Variants in SNRPN observed in about 807,000 individuals in gnomAD.
The protein encoded by SNRPN is small nuclear ribonucleoprotein polypeptide N, also known as small nuclear ribonucleoprotein-associated protein N.
Under a neutral mutation model 25.2 loss-of-function variants are expected in SNRPN, and 7 were observed. The observed-to-expected ratio is 0.28, with a 90% CI of 0.16 to 0.52. The LOEUF (loss-of-function observed/expected upper bound fraction) is 0.52, where lower values mean the gene tolerates loss of function less well. Among genes scored for constraint, SNRPN ranks in the 20% least tolerant of loss-of-function variants. The pLI is 0.96. For synonymous variants in SNRPN, 124 were observed against 110.6 expected (o/e 1.12, Z -0.76); for missense variants, 196 against 322.5 (o/e 0.61, Z 3.00).
intron 1 of SNRPN, among the ~76,000 whole-genome samples, chr15:24,957,519 T>C (rs1399653138): frequency 1.3e-5 from 2 of 152,258 alleles, no homozygotes; most frequent in Non-Finnish European, 2.9e-5. Flanking sequence ...CATTTTATTC[T>C]AAGGATTTTG....
At chr15:24,909,691 G>T in intron 2 of SNRPN, 1 of 1,240,988 alleles carries the variant, frequency 8.1e-7, no homozygotes, top group Non-Finnish European at 1.2e-6. Flanking sequence ...TGAGTGTGTT[G>T]TATTTATTTT....
intron 8 of SNRPN, 106 bp from the exon 9 acceptor site, chr15:24,978,087 C>T (rs1344460680): frequency 3.1e-6 from 4 of 1,277,636 alleles, no homozygotes; most frequent in Non-Finnish European, 2.2e-6. Flanking sequence ...AGTTATTTGA[C>T]TCTATCATTG....
chr15:24,840,871 G>T (rs181322866), intron 2 of SNRPN, among the ~76,000 whole-genome samples: 2 of 152,190 alleles, frequency 1.3e-5, no homozygotes, highest in Admixed American at 1.3e-4. Context: ...TTTCGAGACG[G>T]AGTCTTGCTC....
In SNRPN at chr15:24,957,848, G is replaced by T. The variant is rs537794120; in HGVS notation, c.-391+2786G>T. 3.5e-3 allele frequency among the ~76,000 whole-genome samples: 537 copies of T among 152,156 alleles called. 5 individuals carry two copies. The highest frequency in any genetic ancestry group is 2.2e-3 in the Non-Finnish European group (149 of 67,998). Reference sequence around the variant, plus strand: ...AGTATTTAGTCTGATCCGCCATTTTGTAGTCTTGCATTCAGGCCCGGGATC... The same window carrying T: ...AGTATTTAGTCTGATCCGCCATTTTTTAGTCTTGCATTCAGGCCCGGGATC... On this transcript the variant is annotated intron_variant, in intron 1 of 9. Transcript: ENST00000390687.
intron 2 of SNRPN, among the ~76,000 whole-genome samples, chr15:24,898,803 A>G (rs1194851522): frequency 6.6e-6 from 1 of 152,116 alleles, no homozygotes; most frequent in African/African-American, 2.4e-5. Context: ...CCACGGAGTC[A>G]AAGGAATGAG....
At chr15:24,881,310 G>A (rs1444416747) in intron 1 of SNRPN, among the ~76,000 whole-genome samples, 1 of 151,644 alleles carries the variant, frequency 6.6e-6, no homozygotes, top group East Asian at 1.9e-4. Context: ...ATCACCTGAG[G>A]TCAGGAGTTC....
chr15:24,888,501 C>A (rs984655159), intron 2 of SNRPN, among the ~76,000 whole-genome samples: 1 of 152,028 alleles, frequency 6.6e-6, no homozygotes, highest in African/African-American at 2.4e-5. Flanking sequence ...CAATTTTTTT[C>A]TTTTATTGTA....
At chr15:24,932,391 C>T (rs777125026) in intron 3 of SNRPN, among the ~76,000 whole-genome samples, 2 of 151,958 alleles carry the variant, frequency 1.3e-5, no homozygotes, top group East Asian at 1.9e-4. Flanking sequence ...CTCGCCACCA[C>T]GACTGGCCAA....
chr15:24,978,478 C>T lies in SNRPN; in HGVS notation c.*34C>T, dbSNP rs1236754114. 2.5e-6 allele frequency: 4 copies of T among 1,590,516 alleles called. No homozygotes were observed. The highest frequency in any genetic ancestry group is 1.7e-5 in the Admixed American group (1 of 59,930). ...TGATCCATCTCAGTCACTTTTTCCCCTGCAATGCGTCTTGTGAAATTGTGT... is the reference window on the plus strand; with the variant it reads ...TGATCCATCTCAGTCACTTTTTCCCTTGCAATGCGTCTTGTGAAATTGTGT... On this transcript the variant is annotated 3_prime_UTR_variant, in exon 10 of 10. Transcript: ENST00000390687.
chr15:24,893,034 C>A (rs2057799038), intron 2 of SNRPN, among the ~76,000 whole-genome samples: 1 of 151,712 alleles, frequency 6.6e-6, no homozygotes, highest in Non-Finnish European at 1.5e-5. Flanking sequence ...CATGGTGAAA[C>A]CCCGTCTCTA....
chr15:24,934,267 T>C (rs920943439), intron 3 of SNRPN, among the ~76,000 whole-genome samples: 1 of 151,970 alleles, frequency 6.6e-6, no homozygotes, highest in Admixed American at 6.6e-5. Context: ...CATTGCACTC[T>C]AGCCTGGGCA....
intron 3 of SNRPN, among the ~76,000 whole-genome samples, chr15:24,927,198 G>A (rs1454240375): frequency 6.6e-6 from 1 of 151,368 alleles, no homozygotes; most frequent in Non-Finnish European, 1.5e-5. Context: ...ATAGCTCAAT[G>A]GCATTTCAAA....
At chr15:24,965,393 C>T (rs28581172) in intron 2 of SNRPN, among the ~76,000 whole-genome samples, 216 of 152,070 alleles carry the variant, frequency 1.4e-3, no homozygotes, top group African/African-American at 4.7e-3. Context: ...AAAAATCAGC[C>T]GGGTGTGGTA....
upstream of SNRPN, among the ~76,000 whole-genome samples, chr15:24,953,491 T>C (rs1186789207): frequency 6.6e-6 from 1 of 152,082 alleles, no homozygotes. Context: ...GCCCAGCTAA[T>C]TTTTCTGTTT....
intron 2 of SNRPN, among the ~76,000 whole-genome samples, chr15:24,834,503 C>T (rs959908423): frequency 6.6e-6 from 1 of 151,864 alleles, no homozygotes; most frequent in African/African-American, 2.4e-5. Flanking sequence ...TCTGGATTAC[C>T]AGATGCACAG....
chr15:24,920,879 A>G (rs1249075847), intron 3 of SNRPN, among the ~76,000 whole-genome samples: 1 of 152,202 alleles, frequency 6.6e-6, no homozygotes, highest in Non-Finnish European at 1.5e-5. Context: ...TCATTTGCAT[A>G]GCTATTGCTT....
chr15:24,935,158 G>C (rs1239402386), intron 3 of SNRPN, among the ~76,000 whole-genome samples: 1 of 151,966 alleles, frequency 6.6e-6, no homozygotes, highest in African/African-American at 2.4e-5. Flanking sequence ...TATAGTCCCA[G>C]CTACTCGTGA....
chr15:24,826,458 A>G (rs1026064980), intron 1 of SNRPN, among the ~76,000 whole-genome samples: 6 of 152,114 alleles, frequency 3.9e-5, no homozygotes, highest in African/African-American at 1.2e-4. Flanking sequence ...CTTGCCAACC[A>G]TCATTCCACG....
chr15:24,879,399 T>G (rs1342476285), intron 1 of SNRPN, among the ~76,000 whole-genome samples: 1 of 150,346 alleles, frequency 6.7e-6, no homozygotes, highest in East Asian at 2.0e-4. Context: ...ATCCCGCCAC[T>G]GCACTCTAGC....
Sources: allele counts gnomAD v4.1 joint callset (sites outside exome capture counted in the v4.1 genomes callset), GRCh38; gene constraint gnomAD v4.1.1; transcripts MANE v1.5; gene names NCBI Gene and HGNC (gene_info 2026-07-23, HGNC 2026-07-21).